HS6ST3: variants seen among roughly 807,000 people sequenced by gnomAD.
HS6ST3 encodes heparan sulfate 6-O-sulfotransferase 3.
HS6ST3 carries 12 observed loss-of-function variants against 36.7 expected under a neutral mutation model. That is an observed-to-expected ratio of 0.33 (90% confidence interval 0.21 to 0.53). The LOEUF is 0.53. HS6ST3 is among the 20% of genes least tolerant of loss of function. The pLI is 0.95. For synonymous variants in HS6ST3, 240 were observed against 257.5 expected, an observed-to-expected ratio of 0.93 and a Z score of 0.65; for missense variants, 584 against 640.9, an observed-to-expected ratio of 0.91 and a Z score of 0.96.
chr13:96,306,184 A>G (rs2054912301), intron 1 of HS6ST3, among the ~76,000 whole-genome samples: 1 of 150,932 alleles, frequency 6.6e-6, no homozygotes, highest in African/African-American at 2.4e-5. Context: ...ACTCACTGCA[A>G]GCTCTGCCTC....
rs144519516 is a variant in HS6ST3, at chr13:96,266,929, A to G, written c.707+175360A>G. ...TCTAACCATTTCTGAAAGATTGGTG[A>G]TATGGTTTGGCTGTGTGTTTCCACC... is the stretch of plus-strand genomic sequence containing the variant. On this transcript the variant is annotated intron_variant, in intron 1 of 1. Coordinates refer to ENST00000376705, the MANE Select transcript of HS6ST3 (RefSeq NM_153456.4). Among the ~76,000 whole-genome samples, 13 of 152,278 alleles carry G rather than the reference A, an allele frequency of 8.5e-5. No homozygotes were observed. In the East Asian group the frequency reaches 2.5e-3, roughly 29 times the overall value.
chr13:96,135,234 C>T (rs530157137), intron 1 of HS6ST3, among the ~76,000 whole-genome samples: 1 of 152,208 alleles, frequency 6.6e-6, no homozygotes, highest in East Asian at 1.9e-4. Context: ...GATCTTCTTC[C>T]TTCATTCCCA....
At chr13:96,715,716 A>G (rs754217182) in intron 1 of HS6ST3, among the ~76,000 whole-genome samples, 2 of 152,096 alleles carry the variant, frequency 1.3e-5, no homozygotes, top group Non-Finnish European at 2.9e-5. Context: ...GAAAGTTGTT[A>G]ATTGTGCTCA....
chr13:96,381,811 C>T (rs903534836), intron 1 of HS6ST3, among the ~76,000 whole-genome samples: 4 of 152,020 alleles, frequency 2.6e-5, no homozygotes, highest in South Asian at 2.1e-4. Flanking sequence ...GAGAGATTCC[C>T]GCCCTAGAGT....
chr13:96,764,469 A>G (rs557414780), intron 1 of HS6ST3, among the ~76,000 whole-genome samples: 2 of 152,372 alleles, frequency 1.3e-5, no homozygotes, highest in African/African-American at 4.8e-5. Context: ...TCAAGGTCAC[A>G]CTGTAACTTG....
chr13:96,426,153 CTGTAAGACCCCTGCTTCAGGCAGGGGT>C (rs1425892194), intron 1 of HS6ST3, among the ~76,000 whole-genome samples: 14 of 151,952 alleles, frequency 9.2e-5, no homozygotes, highest in Non-Finnish European at 1.8e-4. Context: ...GGCCACCTTG[CTGTAAGACCCCTGCTTCAGGCAGGGGT>C]CTCGTCAACC....
intron 1 of HS6ST3, among the ~76,000 whole-genome samples, chr13:96,772,463 T>TTATC (rs1365385582): frequency 6.6e-6 from 1 of 152,206 alleles, no homozygotes; most frequent in Non-Finnish European, 1.5e-5. Context: ...TGGGCCTTGA[T>TTATC]TATCTAATAC....
intron 1 of HS6ST3, among the ~76,000 whole-genome samples, chr13:96,669,639 C>T (rs1252121684): frequency 6.6e-6 from 1 of 152,148 alleles, no homozygotes; most frequent in Non-Finnish European, 1.5e-5. Context: ...TAGAAGTAAA[C>T]TTTTTTCTTC....
At chr13:96,803,312 T>C (rs947545595) in intron 1 of HS6ST3, among the ~76,000 whole-genome samples, 11 of 152,196 alleles carry the variant, frequency 7.2e-5, no homozygotes, top group African/African-American at 2.7e-4. Flanking sequence ...TTTGCAGAGT[T>C]GACAGTTAAC....
At chr13:96,341,352 T>C (rs527516941) in intron 1 of HS6ST3, among the ~76,000 whole-genome samples, 4 of 152,220 alleles carry the variant, frequency 2.6e-5, no homozygotes, top group Non-Finnish European at 5.9e-5. Context: ...TGAGCAACCT[T>C]GAACCACATC....
chr13:96,521,288 C>G (rs1039568454), intron 1 of HS6ST3, among the ~76,000 whole-genome samples: 2 of 152,172 alleles, frequency 1.3e-5, no homozygotes, highest in African/African-American at 4.8e-5. Flanking sequence ...CGATGTTCAT[C>G]AGGGATATTG....
rs956379725 is a variant in HS6ST3, at chr13:96,838,997, A to G, written c.*5799A>G. The G allele has an allele frequency of 2.0e-5, 3 of 152,328 alleles. No homozygotes were observed. Among genetic ancestry groups the G allele is most frequent in the Non-Finnish European group, 4.4e-5 (3 of 68,032 alleles). 9.4% of individuals were successfully genotyped at this position (152,328 alleles called of 1,614,324 possible). A position where few individuals can be genotyped will look rare whatever the true frequency, so the allele number is the denominator to read the frequency against. On this transcript the variant is annotated 3_prime_UTR_variant, in exon 2 of 2. Coordinates refer to ENST00000376705, the MANE Select transcript of HS6ST3 (RefSeq NM_153456.4). ...AGCCTGTGTTCCAAGATGTCTGTGG[A>G]AAGGATTGCAACTGTCATCCTTTGG... is the stretch of plus-strand genomic sequence containing the variant.
chr13:96,722,699 G>C (rs1158213198), intron 1 of HS6ST3, among the ~76,000 whole-genome samples: 2 of 152,156 alleles, frequency 1.3e-5, no homozygotes, highest in Non-Finnish European at 2.9e-5. Context: ...TATGTTGGCT[G>C]GGTGTGGTGG....
intron 1 of HS6ST3, among the ~76,000 whole-genome samples, chr13:96,396,147 C>G (rs1463102199): frequency 6.6e-6 from 1 of 152,034 alleles, no homozygotes; most frequent in Non-Finnish European, 1.5e-5. Flanking sequence ...AACCCTGTCT[C>G]TACTAAAAAT....
intron 1 of HS6ST3, among the ~76,000 whole-genome samples, chr13:96,631,121 A>G (rs921207843): frequency 6.6e-6 from 1 of 152,178 alleles, no homozygotes. Context: ...AGAACTAAAC[A>G]GTAGTCAAAT....
At chr13:96,790,331 C>A (rs191178017) in intron 1 of HS6ST3, among the ~76,000 whole-genome samples, 20 of 149,858 alleles carry the variant, frequency 1.3e-4, no homozygotes, top group Non-Finnish European at 2.5e-4. Context: ...CTATATACAG[C>A]ACTTATAGTC....
chr13:96,189,504 A>G lies in HS6ST3; in HGVS notation c.707+97935A>G, dbSNP rs764878998. Among the ~76,000 whole-genome samples, 116 of 152,172 alleles carry G rather than the reference A, an allele frequency of 7.6e-4. 2 individuals carry two copies. The highest frequency in any genetic ancestry group is 6.2e-4 in the Non-Finnish European group (42 of 68,014). On this transcript the variant is annotated intron_variant, in intron 1 of 1. Coordinates refer to ENST00000376705, the MANE Select transcript of HS6ST3 (RefSeq NM_153456.4). ...CTATCTCTCGACAGAGTTATTTGACATGGAATTTGTCTGTGAGGTCCTCAT... is the reference window on the plus strand; with the variant it reads ...CTATCTCTCGACAGAGTTATTTGACGTGGAATTTGTCTGTGAGGTCCTCAT...
intron 1 of HS6ST3, among the ~76,000 whole-genome samples, chr13:96,402,116 G>C (rs1177783610): frequency 1.3e-5 from 2 of 152,152 alleles, no homozygotes; most frequent in African/African-American, 4.8e-5. Context: ...CGAGGTTACA[G>C]GCATGCACTA....
At chr13:96,405,453 T>A (rs1260454374) in intron 1 of HS6ST3, among the ~76,000 whole-genome samples, 2 of 152,208 alleles carry the variant, frequency 1.3e-5, no homozygotes, top group African/African-American at 4.8e-5. Context: ...GGTCCTTATC[T>A]GTTCATTTTT....
Sources: allele counts gnomAD v4.1 joint callset (sites outside exome capture counted in the v4.1 genomes callset), GRCh38; gene constraint gnomAD v4.1.1; transcripts MANE v1.5; gene names NCBI Gene and HGNC (gene_info 2026-07-23, HGNC 2026-07-21).